The following PCDHA2 variants were observed in gnomAD, a reference collection of about 807,000 sequenced individuals.
PCDHA2 encodes protocadherin alpha 2.
In PCDHA2, 58 loss-of-function variants were observed where a neutral mutation model predicts 66.0. The observed-to-expected ratio is 0.88, with a 90% CI of 0.71 to 1.09. The LOEUF is 1.09. Ranked by LOEUF, PCDHA2 falls within the 50% of genes least tolerant of loss-of-function variation. The pLI is 0.00. For synonymous variants in PCDHA2, 634 were observed against 554.0 expected (o/e 1.14, Z -2.03); for missense variants, 1,267 against 1,242.3 (o/e 1.02, Z -0.30).
chr5:140,824,102 C>T (rs2150132175), intron 1 of PCDHA2: 1 of 1,614,116 alleles, frequency 6.2e-7, no homozygotes. Context: ...CCAAGCCTTC[C>T]TCAGGGTCCC....
rs2150253350 is a variant in PCDHA2 at position 140,836,122 on chromosome 5, T to C, written c.2388+38770T>C. Reference sequence around the variant, plus strand: ...GGCACTGGTGGCGCAGTGAGAGAGCTTGTGCCGCGGTCTGTGGGCGCGGGC... The same window carrying C: ...GGCACTGGTGGCGCAGTGAGAGAGCCTGTGCCGCGGTCTGTGGGCGCGGGC... On this transcript the variant is annotated intron_variant, in intron 1 of 3. Transcript: ENST00000526136. 2.0e-5 allele frequency: 32 copies of C among 1,613,580 alleles called. 2 individuals are homozygous for C. The Admixed American group carries it at 3.3e-4, about 17-fold the overall frequency.
intron 1 of PCDHA2, chr5:140,862,898 C>T (rs782019926): frequency 8.8e-5 from 49 of 555,816 alleles, no homozygotes; most frequent in Non-Finnish European, 7.3e-5. Flanking sequence ...ACAACTTTGT[C>T]TGCGCTGCTG....
At chr5:140,956,701 G>A (rs549659732) in intron 1 of PCDHA2, among the ~76,000 whole-genome samples, 30 of 152,256 alleles carry the variant, frequency 2.0e-4, no homozygotes, top group Admixed American at 1.4e-3. Context: ...CCATTGTTTG[G>A]AATAGCTTCA....
chr5:140,929,470 T>G (rs1554207109), intron 1 of PCDHA2: 3 of 1,296,742 alleles, frequency 2.3e-6, no homozygotes, highest in Admixed American at 2.9e-5. Context: ...CCAAGAAATC[T>G]GGAAGTATAG....
At chr5:140,805,523 A>T in intron 1 of PCDHA2, 1 of 986,824 alleles carries the variant, frequency 1.0e-6, no homozygotes, top group Non-Finnish European at 1.2e-6. Context: ...TTGTTTAGAC[A>T]AACAGGATGA....
At position 140,843,705 on chromosome 5, in the gene PCDHA2, A is replaced by G. The variant is rs1779053094; in HGVS notation, c.2388+46353A>G. ...GAAGAGCAAGATTTAAATGTTGATC[A>G]TGGCCTCAAAGTAAGTCCATTTAAA... On this transcript the variant is annotated intron_variant, in intron 1 of 3. Transcript: ENST00000526136. 5.7e-6 allele frequency: 9 copies of G among 1,579,940 alleles called. No individual in the cohort carries two copies. The African/African-American group carries it at 6.7e-5, about 12-fold the overall frequency.
chr5:140,868,379 T>C (rs1554161939), intron 1 of PCDHA2: 1 of 152,086 alleles, frequency 6.6e-6, no homozygotes, highest in Non-Finnish European at 1.5e-5. Context: ...CAGTAAAGAA[T>C]GAGAACTATA....
At chr5:140,962,358 T>C (rs1167082870) in intron 1 of PCDHA2, among the ~76,000 whole-genome samples, 4 of 152,230 alleles carry the variant, frequency 2.6e-5, no homozygotes, top group Non-Finnish European at 5.9e-5. Context: ...CCCCCAATAC[T>C]GGCTAGTTTG....
chr5:140,924,253 A>G (rs550218351), intron 1 of PCDHA2, among the ~76,000 whole-genome samples: 1 of 152,212 alleles, frequency 6.6e-6, no homozygotes, highest in African/African-American at 2.4e-5. Context: ...TCCTGGTGAG[A>G]TCTAATGAGG....
intron 1 of PCDHA2, chr5:140,801,931 C>A (rs1554121771): frequency 3.1e-6 from 5 of 1,614,026 alleles, no homozygotes; most frequent in Admixed American, 1.7e-5. Flanking sequence ...TTTGAGAGGA[C>A]GATCTATAAA....
chr5:140,992,017 C>CTGTG (rs10602499), intron 3 of PCDHA2, among the ~76,000 whole-genome samples: 5,022 of 145,578 alleles, frequency 0.034, 175 homozygotes, highest in African/African-American at 0.093. Context: ...AGAGGTGGCT[C>CTGTG]TGTGTGTGTG....
At chr5:140,969,588 T>A in intron 1 of PCDHA2, 1 of 849,870 alleles carries the variant, frequency 1.2e-6, no homozygotes, top group Non-Finnish European at 1.8e-6. Context: ...GGATTAGTCT[T>A]AATATTTAAT....
intron 1 of PCDHA2, chr5:140,869,060 T>C (rs1490534322): frequency 2.6e-6 from 4 of 1,556,804 alleles, no homozygotes; most frequent in East Asian, 2.2e-5. Context: ...AATCTGGTAC[T>C]GTAAGTGTAA....
chr5:140,981,446 T>C (rs1586884316), intron 2 of PCDHA2, among the ~76,000 whole-genome samples: 4 of 152,058 alleles, frequency 2.6e-5, no homozygotes, highest in Admixed American at 1.3e-4. Context: ...TGGTGGCGGG[T>C]GCCTGTAGTC....
At position 140,849,582 on chromosome 5, in the gene PCDHA2, G is replaced by A. The variant is rs2150441329; in HGVS notation, c.2388+52230G>A. On this transcript the variant is annotated intron_variant, in intron 1 of 3. Transcript: ENST00000526136. Reference sequence around the variant, plus strand: ...GCTCTCGGTTCCTGTAAAAGAGGACGCACAACTGGGGACAGTTATTGCCCT... The same window carrying A: ...GCTCTCGGTTCCTGTAAAAGAGGACACACAACTGGGGACAGTTATTGCCCT... 80 of 1,598,576 alleles carry A rather than the reference G, an allele frequency of 5.0e-5. 10 individuals are homozygous for A. Among genetic ancestry groups the A allele is most frequent in the Non-Finnish European group, 6.6e-5 (77 of 1,167,978 alleles).
chr5:140,883,238 G>C (rs782322627), intron 1 of PCDHA2: 1 of 1,613,886 alleles, frequency 6.2e-7, no homozygotes, highest in African/African-American at 1.3e-5. Context: ...GGAGGCAGTT[G>C]ACAAAGGAAA....
At chr5:140,988,698 A>AT (rs782470160) in intron 3 of PCDHA2, among the ~76,000 whole-genome samples, 115 of 152,234 alleles carry the variant, frequency 7.6e-4, no homozygotes, top group Middle Eastern at 6.8e-3. Flanking sequence ...GACGCTCTGT[A>AT]TTTTCTTGGA....
At position 140,976,185 on chromosome 5, in the gene PCDHA2, A is replaced by G. The variant is rs545410193; in HGVS notation, c.2389-2764A>G. Among the ~76,000 whole-genome samples the G allele has an allele frequency of 4.6e-5, 7 of 152,340 alleles. No homozygotes were observed. The South Asian group carries it at 1.2e-3, about 27-fold the overall frequency. ...TTTAGTTTTGTATTGTTTTAAATCAATATCCTGGAAACTCAGAAGTAAAAA... is the reference window on the plus strand; with the variant it reads ...TTTAGTTTTGTATTGTTTTAAATCAGTATCCTGGAAACTCAGAAGTAAAAA... On this transcript the variant is annotated intron_variant, in intron 1 of 3. Coordinates refer to ENST00000526136, the MANE Select transcript of PCDHA2 (RefSeq NM_018905.3).
At chr5:140,824,120 C>G in intron 1 of PCDHA2, 1 of 1,613,896 alleles carries the variant, frequency 6.2e-7, no homozygotes, top group Non-Finnish European at 8.5e-7. Context: ...CCCACCTCTA[C>G]AGACAACGTG....
Sources: allele counts gnomAD v4.1 joint callset (sites outside exome capture counted in the v4.1 genomes callset), GRCh38; gene constraint gnomAD v4.1.1; transcripts MANE v1.5; gene names NCBI Gene and HGNC (gene_info 2026-07-23, HGNC 2026-07-21).